The following LRRC74A variants were observed in gnomAD, a reference collection of about 807,000 sequenced individuals.
LRRC74A encodes the protein leucine rich repeat containing 74A.
Under a neutral mutation model 57.9 loss-of-function variants are expected in LRRC74A, and 44 were observed. The ratio of observed to expected loss-of-function variants is 0.76; its 90% CI spans 0.60 to 0.98. The LOEUF (loss-of-function observed/expected upper bound fraction) is 0.98. Ranked by LOEUF, LRRC74A falls within the 50% of genes least tolerant of loss-of-function variation. LRRC74A has a pLI of 0.00. For missense variants in LRRC74A, 572 were observed against 574.0 expected (o/e 1.00, Z 0.04); for synonymous variants, 211 against 219.4 (o/e 0.96, Z 0.34).
At chr14:76,828,259 C>G in intron 1 of LRRC74A, 32 bp from the exon 2 acceptor site, 3 of 1,559,700 alleles carry the variant, frequency 1.9e-6, no homozygotes, top group Non-Finnish European at 2.6e-6. Flanking sequence ...AGTTTTATTC[C>G]TGGCATCAAG....
chr14:76,847,377 A>G (rs868570890), intron 7 of LRRC74A, among the ~76,000 whole-genome samples: 1 of 152,154 alleles, frequency 6.6e-6, no homozygotes, highest in African/African-American at 2.4e-5. Context: ...AACTGAAATC[A>G]TGTTCCTTGC....
intron 5 of LRRC74A, 49 bp from the exon 6 acceptor site, chr14:76,844,374 G>A: frequency 1.3e-6 from 2 of 1,563,794 alleles, no homozygotes; most frequent in Non-Finnish European, 1.8e-6. Context: ...GGGAGAGGAA[G>A]GGAGCCATGG....
chr14:76,865,732 C>CA (rs1208307592), intron 11 of LRRC74A, among the ~76,000 whole-genome samples: 1 of 152,200 alleles, frequency 6.6e-6, no homozygotes, highest in Non-Finnish European at 1.5e-5. Context: ...GCATGGCGAG[C>CA]ACACAGGAAT....
At chr14:76,827,764 T>C (rs546633944) in intron 1 of LRRC74A, among the ~76,000 whole-genome samples, 1 of 152,310 alleles carries the variant, frequency 6.6e-6, no homozygotes, top group Non-Finnish European at 1.5e-5. Context: ...AGAAGCTAAG[T>C]CAAATTCTTA....
At chr14:76,850,696 G>A (rs1162533274) in intron 7 of LRRC74A, among the ~76,000 whole-genome samples, 2 of 151,976 alleles carry the variant, frequency 1.3e-5, no homozygotes, top group Admixed American at 6.6e-5. Flanking sequence ...ATGAAACCCT[G>A]TCTCTACTAA....
chr14:76,831,864 G>A (rs2140257467), intron 3 of LRRC74A, among the ~76,000 whole-genome samples: 2 of 152,258 alleles, frequency 1.3e-5, no homozygotes, highest in Middle Eastern at 3.4e-3. Context: ...CAGAAATAGT[G>A]TTATCTCTCA....
chr14:76,830,796 T>TCAC (rs1895918427), intron 2 of LRRC74A, among the ~76,000 whole-genome samples: 1 of 152,090 alleles, frequency 6.6e-6, no homozygotes, highest in African/African-American at 2.4e-5. Context: ...GAAATGAAGA[T>TCAC]TCCATCAACC....
intron 7 of LRRC74A, among the ~76,000 whole-genome samples, chr14:76,848,365 C>T (rs868104460): frequency 7.0e-4 from 106 of 151,320 alleles, no homozygotes; most frequent in Middle Eastern, 3.4e-3. Flanking sequence ...TGCTATTGCA[C>T]TCCAGCCTGG....
Position 76,848,331 on chromosome 14 carries a change from A to G in LRRC74A, c.676+3430A>G, listed in dbSNP as rs953428350. Among the ~76,000 whole-genome samples the G allele has an allele frequency of 2.6e-5, 4 of 151,270 alleles. No individual in the cohort carries two copies. The East Asian group carries it at 5.8e-4, about 22-fold the overall frequency. On this transcript the variant is annotated intron_variant, in intron 7 of 13. Transcript: ENST00000689127. The stretch of plus-strand genomic sequence containing the variant: ...CAAAAATAAATAAATAAATAAATAA[A>G]TAAATAAATAAAAGACGAGATCCTG...
At chr14:76,844,205 G>A (rs1163771028) in intron 5 of LRRC74A, among the ~76,000 whole-genome samples, 1 of 152,124 alleles carries the variant, frequency 6.6e-6, no homozygotes, top group Non-Finnish European at 1.5e-5. Flanking sequence ...GGCTCACTAT[G>A]TTGCCCAGGC....
chr14:76,867,462 C>T, intron 13 of LRRC74A, 24 bp downstream of exon 13: 2 of 1,373,418 alleles, frequency 1.5e-6, no homozygotes, highest in Non-Finnish European at 2.1e-6. Context: ...CCGCGACGAT[C>T]CCCGTTCTCT....
chr14:76,840,496 T>A (rs188957190), intron 5 of LRRC74A, among the ~76,000 whole-genome samples: 1,830 of 152,236 alleles, frequency 0.012, 38 homozygotes, highest in African/African-American at 0.042. Flanking sequence ...ATTTGAAATG[T>A]CATCTTTATC....
intron 3 of LRRC74A, among the ~76,000 whole-genome samples, chr14:76,833,337 C>G (rs1195130915): frequency 6.6e-6 from 1 of 152,026 alleles, no homozygotes; most frequent in African/African-American, 2.4e-5. Flanking sequence ...AGTAGTCCAC[C>G]CTTACCCACA....
intron 1 of LRRC74A, among the ~76,000 whole-genome samples, chr14:76,827,125 G>C (rs1182055089): frequency 2.0e-5 from 3 of 152,068 alleles, no homozygotes. Context: ...TCTACTGGTT[G>C]AATGGAATTC....
intron 7 of LRRC74A, 67 bp downstream of exon 7, chr14:76,844,968 A>G: frequency 2.5e-6 from 2 of 794,758 alleles, no homozygotes; most frequent in South Asian, 3.0e-5. Flanking sequence ...GCAGAGCGGA[A>G]TCTCCCTTTT....
intron 7 of LRRC74A, among the ~76,000 whole-genome samples, chr14:76,847,989 C>T (rs1471911485): frequency 6.6e-6 from 1 of 152,038 alleles, no homozygotes; most frequent in Non-Finnish European, 1.5e-5. Flanking sequence ...GCCTGGCCAA[C>T]ATGGTGAATC....
At chr14:76,828,666 A>C (rs1432542078) in intron 2 of LRRC74A, 1 of 633,000 alleles carries the variant, frequency 1.6e-6, no homozygotes, top group Non-Finnish European at 2.9e-6. Context: ...CGTCTTGTTA[A>C]AAGCGGAATC....
At chr14:76,826,840 C>T (rs958952001) in intron 1 of LRRC74A, 106 bp downstream of exon 1, 9 of 710,588 alleles carry the variant, frequency 1.3e-5, no homozygotes, top group Non-Finnish European at 2.0e-5. Context: ...TCACCTGGGA[C>T]CCTCTAGAAG....
chr14:76,868,810 A>G (rs1192260032), intron 13 of LRRC74A, among the ~76,000 whole-genome samples: 1 of 152,262 alleles, frequency 6.6e-6, no homozygotes, highest in East Asian at 1.9e-4. Context: ...AAAGGCAGCC[A>G]GACCCAGCTG....
Sources: allele counts gnomAD v4.1 joint callset (sites outside exome capture counted in the v4.1 genomes callset), GRCh38; gene constraint gnomAD v4.1.1; transcripts MANE v1.5; gene names NCBI Gene and HGNC (gene_info 2026-07-23, HGNC 2026-07-21).